Variants in UBE2S observed in about 807,000 individuals in gnomAD.
UBE2S encodes ubiquitin conjugating enzyme E2 S, also known as ubiquitin-conjugating enzyme E2 S.
UBE2S carries 3 observed loss-of-function variants against 12.3 expected under a neutral mutation model. The ratio of observed to expected loss-of-function variants is 0.24; its 90% CI spans 0.11 to 0.63. The LOEUF (loss-of-function observed/expected upper bound fraction) is 0.63. UBE2S is among the 30% of genes least tolerant of loss of function. The pLI is 0.85. For missense variants in UBE2S, 211 were observed against 313.9 expected, an observed-to-expected ratio of 0.67 and a Z score of 2.48; for synonymous variants, 133 against 142.0, an observed-to-expected ratio of 0.94 and a Z score of 0.45.
At position 55,401,676 on chromosome 19, in the gene UBE2S, C is replaced by T. The variant is rs777061125; in HGVS notation, c.429G>A (p.Glu143=). The T allele has an allele frequency of 4.3e-6, 7 of 1,612,682 alleles. No homozygotes were observed. The highest frequency in any genetic ancestry group is 3.3e-5 in the Admixed American group (2 of 59,964). ...AGRLLLENYE[E]YAARARLLTE... ...TGAGCAGACGGGCCCGAGCCGCATA[C>T]TCCTCGTAGTTCTCCAAGAGCAGGC... Residue 143 remains glutamate, a synonymous_variant, in exon 4 of 4, where the codon GAG becomes GAA. Coordinates refer to ENST00000264552, the MANE Select transcript of UBE2S (RefSeq NM_014501.3).
rs185067810 is a variant in UBE2S, at chr19:55,403,381, C to G, written c.342+907G>C. On this transcript the variant is annotated intron_variant, in intron 3 of 3. Coordinates refer to ENST00000264552, the MANE Select transcript of UBE2S (RefSeq NM_014501.3). Reference sequence around the variant, plus strand: ...GTGCATGCGTGTAATACCAGCCATTCAGGAAGCTGAGGCAGGAAGATCACC... The same window carrying G: ...GTGCATGCGTGTAATACCAGCCATTGAGGAAGCTGAGGCAGGAAGATCACC... The G allele has an allele frequency of 1.0e-4, 38 of 377,284 alleles. 1 individual carries two copies. The Admixed American group carries it at 1.4e-3, about 14-fold the overall frequency. 23.4% of individuals were successfully genotyped at this position (377,284 alleles called of 1,614,324 possible). A position where few individuals can be genotyped will look rare whatever the true frequency, so the allele number is the denominator to read the frequency against.
In UBE2S at chr19:55,407,705, C is replaced by CCCGCT. The variant is rs2090105992; in HGVS notation, c.-121_-117dup. ...GCGGCCCTGGAGAGGCCCCGGCGGC[C>CCCGCT]CCGCTCCGCTCCCCGCTGCCTCCGA... is the stretch of plus-strand genomic sequence containing the variant. On this transcript the variant is annotated 5_prime_UTR_variant, in exon 1 of 4. Transcript: ENST00000264552. The CCCGCT allele has an allele frequency of 2.5e-6, 2 of 794,054 alleles. No homozygotes were observed. The highest frequency in any genetic ancestry group is 3.4e-6 in the Non-Finnish European group (2 of 587,294). 49.2% of individuals were successfully genotyped at this position (794,054 alleles called of 1,614,324 possible). A position where few individuals can be genotyped will look rare whatever the true frequency, so the allele number is the denominator to read the frequency against.
rs2123307506 is a variant in UBE2S, at chr19:55,401,616, G to A, written c.489C>T (p.Gly163=). The stretch of plus-strand genomic sequence containing the variant: ...CCAGGGCCCGACCGGCTTCGGCCCT[G>A]CCGCTGGGCCCGCCGGCGCCCCCGT... ...EIHGGAGGPS[G]RAEAGRALAS... Residue 163 remains glycine (G), a synonymous_variant, in exon 4 of 4, where the codon GGC becomes GGT. Transcript: ENST00000264552. 1.2e-6 allele frequency: 2 copies of A among 1,606,298 alleles called. No homozygotes were observed. The highest frequency in any genetic ancestry group is 1.7e-6 in the Non-Finnish European group (2 of 1,177,518).
intron 2 of UBE2S, among the ~76,000 whole-genome samples, chr19:55,405,517 A>G (rs1040095298): frequency 1.7e-4 from 25 of 151,102 alleles, no homozygotes; most frequent in South Asian, 4.2e-4. Context: ...TAGAGAGAGA[A>G]AAAAAAAAGA....
At position 55,401,329 on chromosome 19, in the gene UBE2S, C is replaced by T. The variant is rs2090055915; in HGVS notation, c.*107G>A. ...AAAAACAAATCCAGGTCCCAGTGCC[C>T]CCTGTACCCTCCCCGACCCCAGCCA... On this transcript the variant is annotated 3_prime_UTR_variant, in exon 4 of 4. Coordinates refer to ENST00000264552, the MANE Select transcript of UBE2S (RefSeq NM_014501.3). 1.0e-6 allele frequency: 1 copy of T among 973,196 alleles called. No individual in the cohort carries two copies. The highest frequency in any genetic ancestry group is 1.5e-6 in the Non-Finnish European group (1 of 670,600). 60.3% of individuals were successfully genotyped at this position (973,196 alleles called of 1,614,324 possible). A position where few individuals can be genotyped will look rare whatever the true frequency, so the allele number is the denominator to read the frequency against.
Position 55,406,819 on chromosome 19 carries a change from G to T in UBE2S, c.147C>A (p.Gly49=), listed in dbSNP as rs898043873. The change falls in exon 2 of 4, where the codon GGC becomes GGA. Residue 49 remains glycine, a synonymous_variant. Transcript: ENST00000264552. ...TCTTTTTCCTTCCAAACTCACCAGG[G>T]CCCTCGATGGTGACCTGGAGGTCGG... ...DLTDLQVTIE[G]PEGTPYAGGL... is the part of the protein sequence containing the mutation. 1.9e-6 allele frequency: 3 copies of T among 1,612,040 alleles called. No homozygotes were observed. The African/African-American group carries it at 4.0e-5, about 22-fold the overall frequency.
At position 55,404,567 on chromosome 19, in the gene UBE2S, G is replaced by A; in HGVS notation, c.152-89C>T. On this transcript the variant is annotated intron_variant, in intron 2 of 3. Transcript: ENST00000264552. The surrounding 1 kb of genome is among the most constrained non-coding windows in gnomAD (Gnocchi z 4.4). The stretch of plus-strand genomic sequence containing the variant: ...AAAGTCCAGTCTCCACGGTCTGATT[G>A]TGATGCAGGTGGGTGCCCCGCCAAC... 4 of 1,235,650 alleles carry A rather than the reference G, an allele frequency of 3.2e-6. No homozygotes were observed. The highest frequency in any genetic ancestry group is 4.5e-6 in the Non-Finnish European group (4 of 898,526). 76.5% of individuals were successfully genotyped at this position (1,235,650 alleles called of 1,614,324 possible). A position where few individuals can be genotyped will look rare whatever the true frequency, so the allele number is the denominator to read the frequency against.
intron 1 of UBE2S, 34 bp downstream of exon 1, chr19:55,407,553 G>T: frequency 6.6e-7 from 1 of 1,521,736 alleles, no homozygotes; most frequent in Admixed American, 2.1e-5. Flanking sequence ...GGACACCCCC[G>T]ACCACCTTCA....
chr19:55,405,455 G>A (rs1335491144), intron 2 of UBE2S, among the ~76,000 whole-genome samples: 1 of 152,126 alleles, frequency 6.6e-6, no homozygotes, highest in Non-Finnish European at 1.5e-5. Context: ...GTTGCAGTGA[G>A]CAGAGATTGT....
chr19:55,404,130 T>C lies in UBE2S; in HGVS notation c.342+158A>G. ...CTTGGGTGTCCTGGGTCTGGCACTG[T>C]TTGTCTTTCCAGGAAAGCTAGCAAC... On this transcript the variant is annotated intron_variant, in intron 3 of 3. Coordinates refer to ENST00000264552, the MANE Select transcript of UBE2S (RefSeq NM_014501.3). The surrounding 1 kb of genome is among the most constrained non-coding windows in gnomAD (Gnocchi z 4.4). 2.0e-6 allele frequency: 2 copies of C among 978,424 alleles called. No homozygotes were observed. Among genetic ancestry groups the C allele is most frequent in the South Asian group, 1.6e-5 (1 of 60,936 alleles). 60.6% of individuals were successfully genotyped at this position (978,424 alleles called of 1,614,324 possible).
In UBE2S at chr19:55,401,334, T is replaced by A; in HGVS notation, c.*102A>T. ...CAAATCCAGGTCCCAGTGCCCCCTG[T>A]ACCCTCCCCGACCCCAGCCATAATT... On this transcript the variant is annotated 3_prime_UTR_variant, in exon 4 of 4. Coordinates refer to ENST00000264552, the MANE Select transcript of UBE2S (RefSeq NM_014501.3). 1 of 983,798 alleles carries A rather than the reference T, an allele frequency of 1.0e-6. No homozygotes were observed. Among genetic ancestry groups the A allele is most frequent in the Non-Finnish European group, 1.5e-6 (1 of 680,144 alleles). 60.9% of individuals were successfully genotyped at this position (983,798 alleles called of 1,614,324 possible).
intron 3 of UBE2S, chr19:55,403,243 GTAT>G (rs2123311184): frequency 1.7e-6 from 1 of 595,534 alleles, no homozygotes; most frequent in South Asian, 2.0e-5. Context: ...CCACTGAACT[GTAT>G]ACTTTGGAAC....
At chr19:55,405,148 T>C (rs974309246) in intron 2 of UBE2S, among the ~76,000 whole-genome samples, 1 of 145,474 alleles carries the variant, frequency 6.9e-6, no homozygotes, top group African/African-American at 2.6e-5. Context: ...ATGGGGAGGT[T>C]GCAGTGTGCG....
In UBE2S at chr19:55,407,613, T is replaced by TC; in HGVS notation, c.-25dup. 4 of 1,389,992 alleles carry TC rather than the reference T, an allele frequency of 2.9e-6. No homozygotes were observed. The highest frequency in any genetic ancestry group is 1.9e-6 in the Non-Finnish European group (2 of 1,074,734). 86.1% of individuals were successfully genotyped at this position (1,389,992 alleles called of 1,614,324 possible). A position where few individuals can be genotyped will look rare whatever the true frequency, so the allele number is the denominator to read the frequency against. On this transcript the variant is annotated 5_prime_UTR_variant, in exon 1 of 4. Coordinates refer to ENST00000264552, the MANE Select transcript of UBE2S (RefSeq NM_014501.3). ...ATGGCTGCGGCCGGCCGGGGGCGGG[T>TC]CCCCCCGGCCCCCTTCCTGCGTTCT...
At position 55,407,708 on chromosome 19, in the gene UBE2S, G is replaced by GCTCCGCTCCCCGCTGC. The variant is rs1355868326; in HGVS notation, c.-135_-120dup. 1 of 761,926 alleles carries GCTCCGCTCCCCGCTGC rather than the reference G, an allele frequency of 1.3e-6. No individual in the cohort carries two copies. The highest frequency in any genetic ancestry group is 4.5e-5 in the Admixed American group (1 of 22,242). 47.2% of individuals were successfully genotyped at this position (761,926 alleles called of 1,614,324 possible). A position where few individuals can be genotyped will look rare whatever the true frequency, so the allele number is the denominator to read the frequency against. On this transcript the variant is annotated 5_prime_UTR_variant, in exon 1 of 4. Transcript: ENST00000264552. ...GCCCTGGAGAGGCCCCGGCGGCCCCGCTCCGCTCCCCGCTGCCTCCGACGT... is the reference window on the plus strand; with the variant it reads ...GCCCTGGAGAGGCCCCGGCGGCCCCGCTCCGCTCCCCGCTGCCTCCGCTCCCCGCTGCCTCCGACGT...
At chr19:55,407,126 G>A (rs1375463317) in intron 1 of UBE2S, among the ~76,000 whole-genome samples, 164 bp from the exon 2 acceptor site, 1 of 151,876 alleles carries the variant, frequency 6.6e-6, no homozygotes, top group Non-Finnish European at 1.5e-5. Context: ...CATCAGCCCA[G>A]GCAGAGTTTC....
rs1286125979 is a variant in UBE2S, at chr19:55,406,859, T to A, written c.107A>T (p.Asn36Ile). The change falls in exon 2 of 4, where the codon AAC (asparagine) becomes ATC (isoleucine). Residue 36 changes from asparagine to isoleucine, a missense_variant. Physicochemically the swap from Asn to Ile is moderately radical, Grantham distance 149. Transcript: ENST00000264552. ...DPPDGIKVFP[N>I]EEDLTDLQVT... Reference sequence around the variant, plus strand: ...CTGGAGGTCGGTGAGGTCCTCCTCGTTGGGAAAGACCTTGATGCCATCGGG... The same window carrying A: ...CTGGAGGTCGGTGAGGTCCTCCTCGATGGGAAAGACCTTGATGCCATCGGG... The A allele has an allele frequency of 1.9e-6, 3 of 1,613,654 alleles. No individual in the cohort carries two copies. Among genetic ancestry groups the A allele is most frequent in the Non-Finnish European group, 2.5e-6 (3 of 1,179,836 alleles).
rs2090053278 is a variant in UBE2S at position 55,401,033 on chromosome 19, A to G, written c.*403T>C. The stretch of plus-strand genomic sequence containing the variant: ...ATAGGGCAGTGCCGCTCAGGCCACC[A>G]GGAGCAGCTCCAGGTCCTCGCCCCA... On this transcript the variant is annotated 3_prime_UTR_variant, in exon 4 of 4. Transcript: ENST00000264552. The G allele has an allele frequency of 4.5e-6, 1 of 221,198 alleles. No individual in the cohort carries two copies. The highest frequency in any genetic ancestry group is 1.3e-4 in the East Asian group (1 of 7,840). 13.7% of individuals were successfully genotyped at this position (221,198 alleles called of 1,614,324 possible).
rs2090081334 is a variant in UBE2S at position 55,404,157 on chromosome 19, T to C, written c.342+131A>G. 8.2e-7 allele frequency: 1 copy of C among 1,215,076 alleles called. No individual in the cohort carries two copies. The highest frequency in any genetic ancestry group is 2.3e-5 in the Admixed American group (1 of 43,278). The allele number at this position is 1,215,076 out of a possible 1,614,324, so 75.3% of individuals were successfully genotyped here. A position where few individuals can be genotyped will look rare whatever the true frequency, so the allele number is the denominator to read the frequency against. On this transcript the variant is annotated intron_variant, in intron 3 of 3. Transcript: ENST00000264552. This position sits in a 1 kb window ranked among gnomAD's most constrained non-coding sequence, Gnocchi z 4.4. Reference sequence around the variant, plus strand: ...TGTCTTTCCAGGAAAGCTAGCAACATGGATTTTTATGTGGAAACCTTCAAC... The same window carrying C: ...TGTCTTTCCAGGAAAGCTAGCAACACGGATTTTTATGTGGAAACCTTCAAC...
Sources: gnomAD v4.1 joint callset for allele counts (sites outside exome capture counted in the v4.1 genomes callset) on GRCh38, gnomAD v4.1.1 for gene constraint, Gnocchi (gnomAD v3.1) non-coding constraint, MANE v1.5 for transcripts, NCBI Gene and HGNC (gene_info 2026-07-23, HGNC 2026-07-21) for gene names.